Variants in PPP2R2B observed in about 807,000 individuals in gnomAD.
The protein encoded by PPP2R2B is protein phosphatase 2 regulatory subunit Bbeta.
In PPP2R2B, 5 loss-of-function variants were observed where a neutral mutation model predicts 46.0. That is an observed-to-expected ratio of 0.11 (90% CI 0.06 to 0.23). The LOEUF is 0.23. Among genes scored for constraint, PPP2R2B ranks in the 10% least tolerant of loss-of-function variants. PPP2R2B has a pLI of 1.00. For missense variants in PPP2R2B, 367 were observed against 575.0 expected, an observed-to-expected ratio of 0.64 and a Z score of 3.70; for synonymous variants, 215 against 206.7, an observed-to-expected ratio of 1.04 and a Z score of -0.34.
intron 1 of PPP2R2B, among the ~76,000 whole-genome samples, chr5:147,022,868 T>C (rs1755349358): frequency 6.6e-6 from 1 of 152,006 alleles, no homozygotes; most frequent in African/African-American, 2.4e-5. Flanking sequence ...AATATTCTTA[T>C]ATCCCTCAAA....
At chr5:146,929,330 C>T (rs1171784490) in intron 1 of PPP2R2B, among the ~76,000 whole-genome samples, 1 of 152,168 alleles carries the variant, frequency 6.6e-6, no homozygotes, top group Non-Finnish European at 1.5e-5. Flanking sequence ...TTCACAGTTT[C>T]TAGAAATGTG....
At chr5:147,018,229 G>C (rs1026084086) in intron 1 of PPP2R2B, among the ~76,000 whole-genome samples, 2 of 152,044 alleles carry the variant, frequency 1.3e-5, no homozygotes, top group Non-Finnish European at 2.9e-5. Context: ...GTATGACTTC[G>C]AAAGGCAGAA....
At chr5:146,902,487 A>C (rs1425940911) in intron 1 of PPP2R2B, among the ~76,000 whole-genome samples, 1 of 152,202 alleles carries the variant, frequency 6.6e-6, no homozygotes, top group Admixed American at 6.5e-5. Flanking sequence ...CTTACCATGG[A>C]TCAGGCTTTG....
In PPP2R2B at chr5:147,005,982, GA is replaced by G. The variant is rs371372787; in HGVS notation, c.79+49682del. Reference sequence around the variant, plus strand: ...AAACAAGGGAACAAGGGCATAACCCGAAAACACTGAGGCCACTGACAACCCA... The same window carrying G: ...AAACAAGGGAACAAGGGCATAACCCGAAACACTGAGGCCACTGACAACCCA... On this transcript the variant is annotated intron_variant, in intron 1 of 8. Transcript: ENST00000336640. 5.2e-4 allele frequency among the ~76,000 whole-genome samples: 79 copies of G among 152,258 alleles called. 1 individual carries two copies. The South Asian group carries it at 0.015, about 29-fold the overall frequency.
intron 1 of PPP2R2B, among the ~76,000 whole-genome samples, chr5:147,048,820 C>T (rs990269398): frequency 8.5e-5 from 13 of 152,096 alleles, no homozygotes; most frequent in African/African-American, 2.4e-4. Flanking sequence ...CTCATACATT[C>T]GTGCTTTCAA....
At chr5:146,700,832 G>C (rs182691795) in intron 3 of PPP2R2B, among the ~76,000 whole-genome samples, 1 of 152,170 alleles carries the variant, frequency 6.6e-6, no homozygotes, top group African/African-American at 2.4e-5. Context: ...ACATCCAGGC[G>C]TAGAAAGATA....
intron 7 of PPP2R2B, chr5:146,607,791 G>A (rs529576758): frequency 6.6e-6 from 1 of 152,312 alleles, no homozygotes; most frequent in South Asian, 2.1e-4. Context: ...AGCCTTAAAT[G>A]ATCAAGAAGC....
intron 1 of PPP2R2B, among the ~76,000 whole-genome samples, chr5:147,027,589 C>T (rs952879366): frequency 3.3e-5 from 5 of 149,392 alleles, no homozygotes; most frequent in Non-Finnish European, 4.4e-5. Context: ...GCCAACATCG[C>T]GCCACTGCAC....
chr5:146,765,664 C>T (rs915639772), intron 2 of PPP2R2B, among the ~76,000 whole-genome samples: 1 of 152,248 alleles, frequency 6.6e-6, no homozygotes, highest in Non-Finnish European at 1.5e-5. Context: ...TATCCAGATT[C>T]TTCCAACATG....
At chr5:146,863,633 C>CATCT (rs1405274799) in intron 2 of PPP2R2B, among the ~76,000 whole-genome samples, 2 of 149,168 alleles carry the variant, frequency 1.3e-5, no homozygotes, top group African/African-American at 2.5e-5. Context: ...ACTGCCCATC[C>CATCT]ATCCATCTAT....
intron 1 of PPP2R2B, among the ~76,000 whole-genome samples, chr5:146,970,773 T>C (rs933662662): frequency 1.3e-5 from 2 of 152,108 alleles, no homozygotes; most frequent in Admixed American, 1.3e-4. Flanking sequence ...CACCACAAAT[T>C]AGGTAATTGA....
In PPP2R2B at chr5:147,038,961, T is replaced by A. The variant is rs1580841549; in HGVS notation, c.79+16704A>T. On this transcript the variant is annotated intron_variant, in intron 1 of 8. Transcript: ENST00000336640. ...GGCTTAAGTATTTGAGATTATTGAT[T>A]TTTTTTAAACACAACTGCAACCCCC... 2.0e-5 allele frequency among the ~76,000 whole-genome samples: 3 copies of A among 152,294 alleles called. No individual in the cohort carries two copies. The South Asian group carries it at 6.2e-4, about 32-fold the overall frequency.
intron 2 of PPP2R2B, among the ~76,000 whole-genome samples, chr5:146,806,144 G>A (rs752930103): frequency 6.6e-5 from 10 of 152,208 alleles, no homozygotes; most frequent in Non-Finnish European, 1.2e-4. Context: ...TAGGGAGACA[G>A]TGTGTGTGAT....
At chr5:146,808,978 TG>T (rs1757359473) in intron 2 of PPP2R2B, among the ~76,000 whole-genome samples, 1 of 150,402 alleles carries the variant, frequency 6.6e-6, no homozygotes, top group Non-Finnish European at 1.5e-5. Flanking sequence ...TGTGTGTGTG[TG>T]TGTGTGTGTG....
intron 2 of PPP2R2B, among the ~76,000 whole-genome samples, chr5:146,745,126 A>C (rs1753094131): frequency 6.7e-6 from 1 of 149,800 alleles, no homozygotes. Flanking sequence ...GTCTTGACTC[A>C]TTTTCCCCCA....
In PPP2R2B at chr5:147,064,894, G is replaced by T. The variant is rs565965289; in HGVS notation, c.50+16165C>A. Among the ~76,000 whole-genome samples the T allele has an allele frequency of 2.6e-5, 4 of 152,246 alleles. No individual in the cohort carries two copies. The South Asian group carries it at 8.3e-4, about 32-fold the overall frequency. On this transcript the variant is annotated intron_variant, in intron 2 of 10. Transcript: ENST00000394413. ...CTTAGCAGTAAGAAATACCAGTTTG[G>T]GCAGTAGAATGAATTTTCTTGGAGT...
chr5:146,593,144 G>A, intron 8 of PPP2R2B, 82 bp from the exon 9 acceptor site: 1 of 1,169,256 alleles, frequency 8.6e-7, no homozygotes, highest in South Asian at 1.2e-5. Flanking sequence ...TCTGATGTGA[G>A]CTGTTAAATC....
intron 2 of PPP2R2B, among the ~76,000 whole-genome samples, chr5:146,817,517 G>C (rs12516151): frequency 6.6e-6 from 1 of 151,990 alleles, no homozygotes; most frequent in Non-Finnish European, 1.5e-5. Flanking sequence ...TGATATTTCC[G>C]TCATCTCACA....
At chr5:146,635,156 T>C (rs1409657403) in intron 7 of PPP2R2B, among the ~76,000 whole-genome samples, 1 of 152,168 alleles carries the variant, frequency 6.6e-6, no homozygotes, top group African/African-American at 2.4e-5. Context: ...ATATTTCTAC[T>C]TTCAAATGAG....
Sources: gnomAD v4.1 joint callset for allele counts (sites outside exome capture counted in the v4.1 genomes callset) on GRCh38, gnomAD v4.1.1 for gene constraint, MANE v1.5 for transcripts, NCBI Gene and HGNC (gene_info 2026-07-23, HGNC 2026-07-21) for gene names.